The following ANKS1B variants were observed in gnomAD, a reference collection of about 807,000 sequenced individuals.
ANKS1B encodes the protein ankyrin repeat and sterile alpha motif domain-containing protein 1B.
In ANKS1B, 36 loss-of-function variants were observed where a neutral mutation model predicts 148.3. That is an observed-to-expected ratio of 0.24 (90% CI 0.19 to 0.32). The LOEUF (loss-of-function observed/expected upper bound fraction) is 0.32, where lower values mean the gene tolerates loss of function less well. Ranked by LOEUF, ANKS1B falls within the 10% of genes least tolerant of loss-of-function variation. The probability of loss-of-function intolerance (pLI) is 1.00; values close to 1 mark genes in which losing one functional copy is unlikely to be tolerated. For synonymous variants in ANKS1B, 542 were observed against 560.8 expected, an observed-to-expected ratio of 0.97 and a Z score of 0.47; for missense variants, 1,157 against 1,542.6, an observed-to-expected ratio of 0.75 and a Z score of 4.19.
At position 99,154,278 on chromosome 12, in the gene ANKS1B, G is replaced by T. The variant is rs1188424070; in HGVS notation, c.2526+11C>A. 6.2e-7 allele frequency: 1 copy of T among 1,613,202 alleles called. No individual in the cohort carries two copies. Among genetic ancestry groups the T allele is most frequent in the East Asian group, 2.2e-5 (1 of 44,846 alleles). On this transcript the variant is annotated intron_variant, in intron 15 of 26. Coordinates refer to ENST00000683438, the MANE Select transcript of ANKS1B (RefSeq NM_001352186.2). ...CAAAAGGCAGCTCCGTGGACACAGA[G>T]AGCTTCTTACCATAAACTGCACATT...
At chr12:98,739,682 C>G (rs2153351238), downstream of ANKS1B, among the ~76,000 whole-genome samples, 1 of 152,068 alleles carries the variant, frequency 6.6e-6, no homozygotes, top group Non-Finnish European at 1.5e-5. Context: ...AAAAAAGATG[C>G]AGCCCCTCAG....
intron 19 of ANKS1B, among the ~76,000 whole-genome samples, chr12:98,824,098 A>G (rs1419408668): frequency 6.6e-6 from 1 of 152,208 alleles, no homozygotes; most frequent in Admixed American, 6.5e-5. Flanking sequence ...TTGATATTTT[A>G]TCTAACAATG....
At chr12:99,946,365 C>G (rs1488734) in intron 1 of ANKS1B, among the ~76,000 whole-genome samples, 95,292 of 151,972 alleles carry the variant, frequency 0.63, 31,424 homozygotes, top group African/African-American at 0.77. Context: ...CTGGAGGCTG[C>G]AAATCTGAGA....
chr12:98,779,385 C>T (rs921147819), intron 24 of ANKS1B, among the ~76,000 whole-genome samples: 2 of 152,148 alleles, frequency 1.3e-5, no homozygotes, highest in African/African-American at 2.4e-5. Context: ...GCTATTAATA[C>T]AGCTGCATCC....
intron 1 of ANKS1B, among the ~76,000 whole-genome samples, chr12:99,926,324 T>A (rs2153803236): frequency 6.6e-6 from 1 of 152,332 alleles, no homozygotes; most frequent in South Asian, 2.1e-4. Flanking sequence ...TAGTCAAACA[T>A]TATTTGGTGA....
At chr12:98,900,880 T>A (rs998405557) in intron 17 of ANKS1B, among the ~76,000 whole-genome samples, 2 of 152,228 alleles carry the variant, frequency 1.3e-5, no homozygotes, top group Admixed American at 1.3e-4. Context: ...TGGAACTCTC[T>A]CTGGGCAACT....
At chr12:99,320,072 G>C (rs1255192126) in intron 12 of ANKS1B, among the ~76,000 whole-genome samples, 1 of 152,210 alleles carries the variant, frequency 6.6e-6, no homozygotes, top group Non-Finnish European at 1.5e-5. Context: ...CTCTTAGTCT[G>C]ATCGGCTTCC....
chr12:99,851,647 A>G (rs951501447), intron 1 of ANKS1B, among the ~76,000 whole-genome samples: 1 of 152,188 alleles, frequency 6.6e-6, no homozygotes, highest in African/African-American at 2.4e-5. Flanking sequence ...GAAGCAAGTA[A>G]TATTGGTAAT....
intron 2 of ANKS1B, among the ~76,000 whole-genome samples, chr12:99,823,944 T>A (rs1488109942): frequency 6.6e-6 from 1 of 152,240 alleles, no homozygotes; most frequent in African/African-American, 2.4e-5. Flanking sequence ...TTTATTGGTC[T>A]ATGTGTCTGT....
intron 17 of ANKS1B, among the ~76,000 whole-genome samples, chr12:98,910,419 G>A (rs1049183147): frequency 6.6e-6 from 1 of 152,176 alleles, no homozygotes; most frequent in African/African-American, 2.4e-5. Context: ...GATTGCAAGG[G>A]AGGGGGATAT....
chr12:99,106,283 T>G (rs1418548090), intron 15 of ANKS1B, among the ~76,000 whole-genome samples: 2 of 152,192 alleles, frequency 1.3e-5, no homozygotes, highest in East Asian at 3.8e-4. Context: ...CATGGCATAG[T>G]GGAAAAAAAT....
intron 9 of ANKS1B, among the ~76,000 whole-genome samples, chr12:99,574,668 A>G (rs1021382359): frequency 1.3e-5 from 2 of 152,080 alleles, no homozygotes; most frequent in Non-Finnish European, 2.9e-5. Context: ...ATTAAAAAAA[A>G]AAGAAACCCT....
chr12:99,651,289 A>G (rs751515870), intron 9 of ANKS1B, among the ~76,000 whole-genome samples: 13 of 152,356 alleles, frequency 8.5e-5, no homozygotes, highest in South Asian at 2.1e-4. Context: ...GCGAATTTCA[A>G]GGTTACATTA....
At chr12:98,840,030 A>G (rs2099397080) in intron 17 of ANKS1B, among the ~76,000 whole-genome samples, 1 of 152,084 alleles carries the variant, frequency 6.6e-6, no homozygotes, top group Non-Finnish European at 1.5e-5. Context: ...GCTCACGAAT[A>G]CAACTCAAAG....
chr12:98,937,709 T>C (rs1024440060), intron 17 of ANKS1B, among the ~76,000 whole-genome samples: 2 of 152,146 alleles, frequency 1.3e-5, no homozygotes, highest in Admixed American at 1.3e-4. Flanking sequence ...TTGTTTGATT[T>C]CATTTACTAG....
In ANKS1B at chr12:99,208,044, AG is replaced by A. The variant is rs573054979; in HGVS notation, c.2419+36297del. On this transcript the variant is annotated intron_variant, in intron 14 of 26. Coordinates refer to ENST00000683438, the MANE Select transcript of ANKS1B (RefSeq NM_001352186.2). ...TTTGATCTCCTGTGTTAAAACCACA[AG>A]GTTTTCTGGAATTATTGATCTGTTC... Among the ~76,000 whole-genome samples, 7 of 152,248 alleles carry A rather than the reference AG, an allele frequency of 4.6e-5. No individual in the cohort carries two copies. The East Asian group carries it at 1.2e-3, about 25-fold the overall frequency.
intron 19 of ANKS1B, among the ~76,000 whole-genome samples, chr12:98,810,558 A>T (rs1291308708): frequency 6.6e-6 from 1 of 152,222 alleles, no homozygotes; most frequent in African/African-American, 2.4e-5. Flanking sequence ...ACCCTTTAGA[A>T]GAAATAAAGT....
rs990650279 is a variant in ANKS1B at position 99,721,378 on chromosome 12, A to G, written c.1128+51544T>C. Among the ~76,000 whole-genome samples, 12 of 152,302 alleles carry G rather than the reference A, an allele frequency of 7.9e-5. No homozygotes were observed. The East Asian group carries it at 1.7e-3, about 22-fold the overall frequency. ...CCATCATATCCCCTGTGACCTGCAC[A>G]TACACATCCAGATGGCCGGTTCCTG... On this transcript the variant is annotated intron_variant, in intron 8 of 26. Transcript: ENST00000683438.
At chr12:99,352,136 TAAAACAAAATA>T (rs2091486547) in intron 12 of ANKS1B, 1 of 151,950 alleles carries the variant, frequency 6.6e-6, no homozygotes, top group Non-Finnish European at 1.5e-5. Flanking sequence ...TGCCCTTCAT[TAAAACAAAATA>T]AAAACATGTT....
Sources: gnomAD v4.1 joint callset for allele counts (sites outside exome capture counted in the v4.1 genomes callset) on GRCh38, gnomAD v4.1.1 for gene constraint, MANE v1.5 for transcripts, NCBI Gene and HGNC (gene_info 2026-07-23, HGNC 2026-07-21) for gene names.